The following ATP7A variants were observed in gnomAD, a reference collection of about 807,000 sequenced individuals.
The protein encoded by ATP7A is copper-transporting ATPase 1.
A neutral mutation model predicts 83.5 loss-of-function variants in ATP7A; 7 were observed. The observed-to-expected ratio is 0.08, with a 90% CI of 0.05 to 0.16. ATP7A has a LOEUF of 0.16. ATP7A is among the 10% of genes least tolerant of loss of function. The pLI is 1.00. For missense variants in ATP7A, 940 were observed against 1,120.8 expected (o/e 0.84, Z 2.30); for synonymous variants, 354 against 395.2 (o/e 0.90, Z 1.24).
chrX:78,033,694 C>G lies in ATP7A; in HGVS notation c.3384C>G (p.Gly1128=). 3 of 1,210,445 alleles carry G rather than the reference C, an allele frequency of 2.5e-6. No individual in the cohort carries two copies. Among genetic ancestry groups the G allele is most frequent in the Non-Finnish European group, 3.4e-6 (3 of 894,653 alleles). Residue 1128 remains glycine (G), a synonymous_variant, in exon 17 of 23, where the codon GGC becomes GGG. Transcript: ENST00000341514. ...GCTGTAAAGTCACCAATATTGAAGG[C>G]TTGCTACATAAGAATAACTGGAATA... ...GISCKVTNIE[G]LLHKNNWNIE...
At chrX:78,045,036 AAAGTAT>A (rs782430816) in intron 21 of ATP7A, among the ~76,000 whole-genome samples, 14 of 112,509 alleles carry the variant, frequency 1.2e-4, no homozygotes, top group Non-Finnish European at 1.3e-4. Context: ...TAAAAAGTTA[AAAGTAT>A]GAGTCTATTT....
chrX:77,952,452 C>T (rs903545950), intron 1 of ATP7A, among the ~76,000 whole-genome samples: 15 of 111,719 alleles, frequency 1.3e-4, no homozygotes, highest in African/African-American at 2.0e-4. Context: ...TCCCTGATGA[C>T]GTATGATGTG....
chrX:77,998,787 C>A, intron 5 of ATP7A, 103 bp downstream of exon 5: 1 of 908,536 alleles, frequency 1.1e-6, no homozygotes, highest in Non-Finnish European at 1.6e-6. Context: ...CTTGGTAAGG[C>A]CTCATAAAGA....
At chrX:78,016,234 C>T (rs1352859382) in intron 12 of ATP7A, among the ~76,000 whole-genome samples, 2 of 110,891 alleles carry the variant, frequency 1.8e-5, no homozygotes, top group Admixed American at 1.9e-4. Flanking sequence ...GAAGTGCTAG[C>T]AGGGGAAATA....
At chrX:77,917,143 G>C (rs1293425006) in intron 1 of ATP7A, among the ~76,000 whole-genome samples, 2 of 111,622 alleles carry the variant, frequency 1.8e-5, no homozygotes, top group African/African-American at 6.5e-5. Flanking sequence ...TAGGTGAGGG[G>C]ACCAGTTCTA....
intron 1 of ATP7A, among the ~76,000 whole-genome samples, chrX:77,931,007 A>ACCTTTTTTTTTTTTTTTTTTTTTTTTTC (rs2077269843): frequency 8.6e-5 from 1 of 11,595 alleles, no homozygotes; most frequent in Non-Finnish European, 1.6e-4. Context: ...TTTTTTTTTT[A>ACCTTTTTTTTTTTTTTTTTTTTTTTTTC]CCTTTTTTTT....
intron 9 of ATP7A, among the ~76,000 whole-genome samples, chrX:78,012,606 A>G (rs1018802796): frequency 4.6e-5 from 5 of 108,918 alleles, no homozygotes; most frequent in East Asian, 2.9e-4. Flanking sequence ...AAAAAAAAAA[A>G]AAAAGGAAGA....
chrX:77,924,637 T>C (rs2077231893), intron 1 of ATP7A: 1 of 112,131 alleles, frequency 8.9e-6, no homozygotes, highest in African/African-American at 3.2e-5. Flanking sequence ...GTCCTGACAG[T>C]GATTCAGCTT....
rs193206548 is a variant in ATP7A, at chrX:77,994,171, T to G, written c.1336+4213T>G. Among the ~76,000 whole-genome samples the G allele has an allele frequency of 3.7e-3, 411 of 110,673 alleles. 3 individuals are homozygous for G. Among genetic ancestry groups the G allele is most frequent in the African/African-American group, 0.013 (386 of 30,452 alleles). ...ACCTCTGCCTCCCGGGTTCAAGCAA[T>G]TCTCCTGCATCAGCCTCCTGAGTTG... On this transcript the variant is annotated intron_variant, in intron 4 of 22. Transcript: ENST00000341514.
chrX:77,977,917 A>T (rs1557230490), intron 2 of ATP7A, among the ~76,000 whole-genome samples: 4 of 111,666 alleles, frequency 3.6e-5, no homozygotes, highest in South Asian at 3.7e-4. Flanking sequence ...ATTCTTTTTT[A>T]AAAAAATATT....
chrX:77,999,643 C>T (rs146214837), intron 5 of ATP7A, among the ~76,000 whole-genome samples: 1,360 of 111,625 alleles, frequency 0.012, 19 homozygotes, highest in African/African-American at 0.042. Context: ...GTGACTCACA[C>T]CTGTAATCCC....
At chrX:78,034,635 C>A (rs890039290) in intron 17 of ATP7A, among the ~76,000 whole-genome samples, 4 of 111,354 alleles carry the variant, frequency 3.6e-5, no homozygotes, top group Non-Finnish European at 7.5e-5. Flanking sequence ...CAGTCCTCAT[C>A]CTGCAAGACC....
intron 1 of ATP7A, among the ~76,000 whole-genome samples, chrX:77,932,109 G>A (rs2077286160): frequency 2.7e-5 from 3 of 110,745 alleles, no homozygotes; most frequent in South Asian, 3.8e-4. Flanking sequence ...CTTCCCAGAC[G>A]GGGTGGCTGC....
chrX:78,009,480 A>C, intron 7 of ATP7A: 1 of 420,234 alleles, frequency 2.4e-6, no homozygotes, highest in Non-Finnish European at 4.1e-6. Context: ...TTACACTATT[A>C]ATCAGGAGCA....
At chrX:77,995,259 T>C (rs1317660593) in intron 4 of ATP7A, among the ~76,000 whole-genome samples, 4 of 111,538 alleles carry the variant, frequency 3.6e-5, no homozygotes, top group Non-Finnish European at 7.5e-5. Flanking sequence ...AGGTGAGCTA[T>C]AAATCTTAAA....
chrX:78,041,595 A>G (rs1349582823), intron 19 of ATP7A, among the ~76,000 whole-genome samples: 1 of 110,666 alleles, frequency 9.0e-6, no homozygotes, highest in African/African-American at 3.3e-5. Flanking sequence ...TTCTTATGTA[A>G]AAAATACAGA....
At chrX:77,949,820 A>C (rs373048020) in intron 1 of ATP7A, among the ~76,000 whole-genome samples, 139 of 112,197 alleles carry the variant, frequency 1.2e-3, no homozygotes, top group African/African-American at 3.0e-3. Flanking sequence ...TTTTTAAGGG[A>C]CACATGGTAT....
At chrX:78,027,105 A>T (rs1438125188) in intron 14 of ATP7A, among the ~76,000 whole-genome samples, 3 of 107,936 alleles carry the variant, frequency 2.8e-5, no homozygotes, top group Non-Finnish European at 5.8e-5. Flanking sequence ...AGCCTAGATC[A>T]CGCCATTGAA....
chrX:77,921,576 C>G (rs1451672496), intron 1 of ATP7A, among the ~76,000 whole-genome samples: 1 of 111,770 alleles, frequency 8.9e-6, no homozygotes, highest in Non-Finnish European at 1.9e-5. Context: ...TGTATCTATC[C>G]CATCAGGTTG....
Sources: allele counts gnomAD v4.1 joint callset (sites outside exome capture counted in the v4.1 genomes callset), GRCh38; gene constraint gnomAD v4.1.1; transcripts MANE v1.5; gene names NCBI Gene and HGNC (gene_info 2026-07-23, HGNC 2026-07-21).